DPY19L4: variants seen among roughly 807,000 people sequenced by gnomAD.
DPY19L4 encodes the protein probable C-mannosyltransferase DPY19L4.
DPY19L4 carries 97 observed loss-of-function variants against 102.8 expected under a neutral mutation model. That is an observed-to-expected ratio of 0.94 (90% CI 0.80 to 1.12). The LOEUF (loss-of-function observed/expected upper bound fraction) is 1.12. Ranked by LOEUF, DPY19L4 falls within the 50% of genes most tolerant of loss-of-function variation. The pLI, the probability that DPY19L4 is intolerant of heterozygous loss-of-function variation, is 0.00. For missense variants in DPY19L4, 815 were observed against 850.4 expected, an observed-to-expected ratio of 0.96 and a Z score of 0.52; for synonymous variants, 252 against 283.1, an observed-to-expected ratio of 0.89 and a Z score of 1.10.
At chr8:94,765,966 G>T (rs1435766598) in intron 10 of DPY19L4, among the ~76,000 whole-genome samples, 157 bp downstream of exon 10, 5 of 152,164 alleles carry the variant, frequency 3.3e-5, no homozygotes, top group Admixed American at 6.5e-5. Flanking sequence ...GGGTAAGAAA[G>T]TAGGATTCTG....
At chr8:94,743,580 G>A (rs1293549697) in intron 6 of DPY19L4, among the ~76,000 whole-genome samples, 1 of 152,092 alleles carries the variant, frequency 6.6e-6, no homozygotes, top group African/African-American at 2.4e-5. Context: ...AGGCTGCAGT[G>A]AGCTATTGAC....
chr8:94,729,995 T>C (rs1395593717), intron 2 of DPY19L4, among the ~76,000 whole-genome samples: 2 of 152,004 alleles, frequency 1.3e-5, no homozygotes, highest in African/African-American at 2.4e-5. Flanking sequence ...AAACCAAAAC[T>C]GCATCCATAA....
chr8:94,724,431 G>T (rs1418219852), intron 1 of DPY19L4, among the ~76,000 whole-genome samples: 1 of 152,154 alleles, frequency 6.6e-6, no homozygotes, highest in African/African-American at 2.4e-5. Context: ...CTTGTTGACT[G>T]CTTCTAACTT....
In DPY19L4 at chr8:94,727,405, T is replaced by C. The variant is rs1586305398; in HGVS notation, c.127+964T>C. ...CATGCCACCACGCCTGGCTAATTTT[T>C]GTATTTTTGGTAGAGACGGGGTTTC... On this transcript the variant is annotated intron_variant, in intron 2 of 18. Coordinates refer to ENST00000414645, the MANE Select transcript of DPY19L4 (RefSeq NM_181787.3). 4.6e-5 allele frequency among the ~76,000 whole-genome samples: 7 copies of C among 152,282 alleles called. No individual in the cohort carries two copies. In the South Asian group the frequency reaches 1.5e-3, roughly 32 times the overall value.
At position 94,756,173 on chromosome 8, in the gene DPY19L4, C is replaced by T. The variant is rs1329759150; in HGVS notation, c.735+14C>T. The T allele has an allele frequency of 6.2e-7, 1 of 1,606,868 alleles. No homozygotes were observed. Among genetic ancestry groups the T allele is most frequent in the Non-Finnish European group, 8.5e-7 (1 of 1,177,508 alleles). Reference sequence around the variant, plus strand: ...ACTTATGGAGAGGTAAGATACAAATCTGTTTTATCTGTTGCAGCTAATTCT... The same window carrying T: ...ACTTATGGAGAGGTAAGATACAAATTTGTTTTATCTGTTGCAGCTAATTCT... On this transcript the variant is annotated intron_variant, in intron 7 of 18. Coordinates refer to ENST00000414645, the MANE Select transcript of DPY19L4 (RefSeq NM_181787.3).
In DPY19L4 at chr8:94,720,310, C is replaced by T. The variant is rs1315585431; in HGVS notation, c.16+296C>T. ...GAGTGGTTGGGAAAGAGGGAGGGTC[C>T]TGATCAGATTCTTGGTGAAGTGGGA... On this transcript the variant is annotated intron_variant, in intron 1 of 18. Coordinates refer to ENST00000414645, the MANE Select transcript of DPY19L4 (RefSeq NM_181787.3). The T allele has an allele frequency of 3.1e-6, 3 of 966,168 alleles. No homozygotes were observed. In the African/African-American group the frequency reaches 5.3e-5, roughly 17 times the overall value. 59.8% of individuals were successfully genotyped at this position (966,168 alleles called of 1,614,324 possible). A position where few individuals can be genotyped will look rare whatever the true frequency, so the allele number is the denominator to read the frequency against.
intron 14 of DPY19L4, among the ~76,000 whole-genome samples, chr8:94,779,496 CT>C (rs35904154): frequency 0.85 from 124,028 of 145,612 alleles, 52,784 homozygotes; most frequent in East Asian, 0.95. Flanking sequence ...CTAATTAAAA[CT>C]TTTTTTTTTT....
chr8:94,784,912 T>C (rs971547882), intron 17 of DPY19L4, among the ~76,000 whole-genome samples: 13 of 152,222 alleles, frequency 8.5e-5, no homozygotes, highest in African/African-American at 3.1e-4. Context: ...AATGTCTTAT[T>C]TTGAATGTTT....
intron 3 of DPY19L4, among the ~76,000 whole-genome samples, chr8:94,736,633 G>T (rs1431093321): frequency 6.6e-6 from 1 of 152,092 alleles, no homozygotes; most frequent in Non-Finnish European, 1.5e-5. Flanking sequence ...AGTCTAAAAA[G>T]CACAAAGCCT....
chr8:94,736,283 T>G (rs926644721), intron 3 of DPY19L4, among the ~76,000 whole-genome samples: 16 of 152,280 alleles, frequency 1.1e-4, no homozygotes, highest in African/African-American at 3.8e-4. Context: ...CCATATGTAT[T>G]TTAGGAGGAC....
At chr8:94,758,978 G>A (rs1473102157) in intron 7 of DPY19L4, among the ~76,000 whole-genome samples, 2 of 152,040 alleles carry the variant, frequency 1.3e-5, no homozygotes, top group African/African-American at 2.4e-5. Flanking sequence ...CAAGTGATTC[G>A]CCTGCCTTGG....
intron 3 of DPY19L4, among the ~76,000 whole-genome samples, chr8:94,737,557 G>A (rs1811239161): frequency 6.6e-6 from 1 of 152,042 alleles, no homozygotes; most frequent in Admixed American, 6.5e-5. Context: ...GCCGAGGTGG[G>A]CGGATCACGA....
chr8:94,721,670 T>TA (rs1328974046), intron 1 of DPY19L4, among the ~76,000 whole-genome samples: 1 of 152,198 alleles, frequency 6.6e-6, no homozygotes, highest in African/African-American at 2.4e-5. Flanking sequence ...AAGACTGCAT[T>TA]AAAAAATCAG....
intron 6 of DPY19L4, 53 bp downstream of exon 6, chr8:94,739,843 CAG>C: frequency 3.1e-6 from 5 of 1,588,802 alleles, no homozygotes; most frequent in East Asian, 4.5e-5. Context: ...CTGTAGTAGT[CAG>C]AGTTCTGAAA....
rs1463112200 is a variant in DPY19L4 at position 94,770,580 on chromosome 8, A to C, written c.1454+9A>C. 1 of 1,612,864 alleles carries C rather than the reference A, an allele frequency of 6.2e-7. No homozygotes were observed. Among genetic ancestry groups the C allele is most frequent in the Non-Finnish European group, 8.5e-7 (1 of 1,179,574 alleles). On this transcript the variant is annotated intron_variant, in intron 13 of 18. Coordinates refer to ENST00000414645, the MANE Select transcript of DPY19L4 (RefSeq NM_181787.3). ...GCAATGGTTATAGAAGGGTAAGTGT[A>C]CTTTATTTGATCCCTTTGTTTTAAC...
At chr8:94,744,377 AG>A (rs1336870507) in intron 6 of DPY19L4, 1 of 456,576 alleles carries the variant, frequency 2.2e-6, no homozygotes, top group Non-Finnish European at 4.4e-6. Flanking sequence ...TCTCCCTTAC[AG>A]TGAATGATCC....
chr8:94,762,234 T>C (rs1163633396), intron 8 of DPY19L4, among the ~76,000 whole-genome samples: 1 of 152,184 alleles, frequency 6.6e-6, no homozygotes, highest in Non-Finnish European at 1.5e-5. Flanking sequence ...AGGATGTGGC[T>C]ATGGCTGGCT....
chr8:94,728,455 A>G (rs1404918340), intron 2 of DPY19L4, among the ~76,000 whole-genome samples: 2 of 152,220 alleles, frequency 1.3e-5, no homozygotes, highest in African/African-American at 4.8e-5. Context: ...AACCATATCT[A>G]AAGATGGGTT....
intron 7 of DPY19L4, among the ~76,000 whole-genome samples, chr8:94,756,960 G>A (rs573817947): frequency 6.6e-6 from 1 of 152,342 alleles, no homozygotes; most frequent in Admixed American, 6.5e-5. Flanking sequence ...GGGAGGCGGA[G>A]GTTGTAGTGA....
Sources: gnomAD v4.1 joint callset for allele counts (sites outside exome capture counted in the v4.1 genomes callset) on GRCh38, gnomAD v4.1.1 for gene constraint, MANE v1.5 for transcripts, NCBI Gene and HGNC (gene_info 2026-07-23, HGNC 2026-07-21) for gene names.